Variants in MEGF10 observed in about 807,000 individuals in gnomAD.
The protein encoded by MEGF10 is multiple EGF like domains 10, also known as multiple epidermal growth factor-like domains protein 10.
MEGF10 carries 86 observed loss-of-function variants against 147.5 expected under a neutral mutation model. The observed-to-expected ratio is 0.58, with a 90% CI of 0.49 to 0.70. The LOEUF (loss-of-function observed/expected upper bound fraction) is 0.70. Among genes scored for constraint, MEGF10 ranks in the 30% least tolerant of loss-of-function variants. The pLI is 0.00. For missense variants in MEGF10, 1,329 were observed against 1,487.3 expected, an observed-to-expected ratio of 0.89 and a Z score of 1.75; for synonymous variants, 478 against 525.5, an observed-to-expected ratio of 0.91 and a Z score of 1.24.
chr5:127,306,428 G>A (rs1760014814), intron 1 of MEGF10, among the ~76,000 whole-genome samples: 1 of 152,166 alleles, frequency 6.6e-6, no homozygotes. Context: ...AAAAAAACAA[G>A]CAACTTCCCA....
the MEGF10 span, among the ~76,000 whole-genome samples, chr5:127,255,835 CT>C: frequency 6.6e-6 from 1 of 152,118 alleles, no homozygotes; most frequent in African/African-American, 2.4e-5. Context: ...ACACAACCTC[CT>C]TTTTTGATGT....
At position 127,396,709 on chromosome 5, in the gene MEGF10, G is replaced by A. The variant is rs1297501351; in HGVS notation, c.590G>A (p.Cys197Tyr). Residue 197 changes from cysteine (C) to tyrosine (Y), a missense_variant, in exon 6 of 25, where the codon TGC becomes TAC. By Grantham distance (194) the Cys-to-Tyr change is radical. Transcript: ENST00000503335. ...YGNDCHQRCQ[C>Y]QNGATCDHVT... ...AACGACTGTCATCAGAGATGCCAGT[G>A]CCAGAATGGAGCCACCTGCGACCAC... 2.5e-6 allele frequency: 4 copies of A among 1,614,106 alleles called. No homozygotes were observed. The highest frequency in any genetic ancestry group is 3.4e-6 in the Non-Finnish European group (4 of 1,180,026).
chr5:127,340,248 A>G (rs1218656205), intron 3 of MEGF10, among the ~76,000 whole-genome samples: 1 of 152,186 alleles, frequency 6.6e-6, no homozygotes, highest in Non-Finnish European at 1.5e-5. Context: ...CCTTTAAAAC[A>G]TACGTAAGTG....
At chr5:127,426,024 G>A (rs549651163) in intron 13 of MEGF10, among the ~76,000 whole-genome samples, 41 of 152,296 alleles carry the variant, frequency 2.7e-4, no homozygotes, top group African/African-American at 9.1e-4. Context: ...TAAGTGCTCC[G>A]TCAACTGTGG....
the MEGF10 span, among the ~76,000 whole-genome samples, chr5:127,266,047 G>C: frequency 3.3e-5 from 5 of 151,970 alleles, no homozygotes; most frequent in African/African-American, 1.2e-4. Flanking sequence ...GTTTTTTATG[G>C]TTTTAGGTCT....
chr5:127,354,053 A>G (rs1762188244), intron 4 of MEGF10, among the ~76,000 whole-genome samples: 1 of 152,232 alleles, frequency 6.6e-6, no homozygotes, highest in Non-Finnish European at 1.5e-5. Context: ...TGATTACCAG[A>G]GCAGTGAATG....
the MEGF10 span, among the ~76,000 whole-genome samples, chr5:127,261,713 A>G: frequency 6.6e-6 from 1 of 152,110 alleles, no homozygotes; most frequent in Non-Finnish European, 1.5e-5. Context: ...TTACATTCCC[A>G]CCAGCAATAT....
At chr5:127,257,412 G>A in the MEGF10 span, among the ~76,000 whole-genome samples, 1 of 151,992 alleles carries the variant, frequency 6.6e-6, no homozygotes, top group Non-Finnish European at 1.5e-5. Context: ...GGCTTTGGGG[G>A]AAGGTCAGAG....
chr5:127,382,326 G>A (rs1385171951), intron 5 of MEGF10, among the ~76,000 whole-genome samples: 2 of 152,120 alleles, frequency 1.3e-5, no homozygotes, highest in African/African-American at 4.8e-5. Flanking sequence ...CATAGCTCTT[G>A]GTCCATAAAT....
chr5:127,402,904 TA>T (rs112880381), intron 8 of MEGF10, among the ~76,000 whole-genome samples: 3 of 151,894 alleles, frequency 2.0e-5, no homozygotes, highest in Middle Eastern at 3.4e-3. Context: ...GAAAAAGCAC[TA>T]AAAAAAAGAC....
chr5:127,319,886 A>C (rs1028229367), intron 1 of MEGF10, among the ~76,000 whole-genome samples: 1 of 152,230 alleles, frequency 6.6e-6, no homozygotes, highest in Non-Finnish European at 1.5e-5. Flanking sequence ...TGGGCAAGAC[A>C]GACTGACAGG....
At chr5:127,250,520 T>A in the MEGF10 span, among the ~76,000 whole-genome samples, 1 of 152,046 alleles carries the variant, frequency 6.6e-6, no homozygotes, top group Non-Finnish European at 1.5e-5. Flanking sequence ...TTCATTGAAC[T>A]AATAAAGATT....
intron 5 of MEGF10, among the ~76,000 whole-genome samples, chr5:127,384,580 G>T (rs1008371363): frequency 6.6e-6 from 1 of 152,052 alleles, no homozygotes; most frequent in Non-Finnish European, 1.5e-5. Flanking sequence ...CCTTTTTCTG[G>T]TTCATAATTT....
intron 13 of MEGF10, among the ~76,000 whole-genome samples, chr5:127,431,948 G>A (rs1215955454): frequency 2.6e-5 from 4 of 151,520 alleles, no homozygotes; most frequent in Admixed American, 6.6e-5. Flanking sequence ...ATTTTCAAAA[G>A]AGATTTGAAA....
At chr5:127,258,964 G>A in the MEGF10 span, among the ~76,000 whole-genome samples, 31 of 152,126 alleles carry the variant, frequency 2.0e-4, no homozygotes, top group Non-Finnish European at 1.8e-4. Context: ...TGATCAAGGC[G>A]ACTATGGTGG....
chr5:127,249,266 T>C, the MEGF10 span, among the ~76,000 whole-genome samples: 260 of 152,062 alleles, frequency 1.7e-3, 1 homozygote, highest in Admixed American at 4.2e-3. Flanking sequence ...AGTGTTACAG[T>C]ATTAATTAGA....
chr5:127,243,181 G>C, the MEGF10 span, among the ~76,000 whole-genome samples: 1 of 152,106 alleles, frequency 6.6e-6, no homozygotes, highest in Non-Finnish European at 1.5e-5. Context: ...CAGAATAAGA[G>C]AGAACATATT....
At position 127,402,580 on chromosome 5, in the gene MEGF10, G is replaced by C; in HGVS notation, c.815G>C (p.Arg272Pro). The C allele has an allele frequency of 6.2e-7, 1 of 1,614,002 alleles. No homozygotes were observed. Among genetic ancestry groups the C allele is most frequent in the Non-Finnish European group, 8.5e-7 (1 of 1,179,968 alleles). The change falls in exon 8 of 25, where the codon CGC (arginine) becomes CCC (proline). Residue 272 changes from arginine (R) to proline (P), a missense_variant. Around this residue, in one of 3 missense-constraint regions of MEGF10, gnomAD observed 980 missense variants for 1,085.9 expected, o/e 0.90. Transcript: ENST00000503335. ...TVCGQPCPEG[R>P]FGKNCSQECQ... ...TGTGGTCAGCCTTGCCCCGAGGGTC[G>C]CTTTGGAAAGAACTGTTCCCAAGAA...
chr5:127,280,172 C>A, the MEGF10 span, among the ~76,000 whole-genome samples: 1 of 152,076 alleles, frequency 6.6e-6, no homozygotes, highest in African/African-American at 2.4e-5. Flanking sequence ...TATAAATCTT[C>A]TTTGTTAAAT....
Sources: allele counts gnomAD v4.1 joint callset (sites outside exome capture counted in the v4.1 genomes callset), GRCh38; gene constraint gnomAD v4.1.1; regional missense constraint gnomAD v4.1.1; transcripts MANE v1.5; gene names NCBI Gene and HGNC (gene_info 2026-07-23, HGNC 2026-07-21).